The following FOXO1 variants were observed in gnomAD, a reference collection of about 807,000 sequenced individuals.
The protein encoded by FOXO1 is forkhead box O1, also known as forkhead box protein O1.
A neutral mutation model predicts 44.1 loss-of-function variants in FOXO1; 6 were observed. The observed-to-expected ratio is 0.14, with a 90% CI of 0.07 to 0.27. The LOEUF (loss-of-function observed/expected upper bound fraction) is 0.27, where lower values mean the gene tolerates loss of function less well. Among genes scored for constraint, FOXO1 ranks in the 10% least tolerant of loss-of-function variants. The pLI is 1.00. For missense variants in FOXO1, 737 were observed against 888.8 expected, an observed-to-expected ratio of 0.83 and a Z score of 2.17; for synonymous variants, 380 against 362.7, an observed-to-expected ratio of 1.05 and a Z score of -0.54.
intron 1 of FOXO1, among the ~76,000 whole-genome samples, chr13:40,578,002 A>T (rs752938613): frequency 2.0e-4 from 31 of 152,214 alleles, no homozygotes; most frequent in Non-Finnish European, 4.0e-4. Context: ...AGAAGAGCTG[A>T]TTAAGAACAT....
At chr13:40,584,109 G>T (rs1330466017) in intron 1 of FOXO1, among the ~76,000 whole-genome samples, 1 of 152,096 alleles carries the variant, frequency 6.6e-6, no homozygotes, top group Non-Finnish European at 1.5e-5. Context: ...GGTTGGTGGA[G>T]CAGTGAGAAC....
At chr13:40,636,957 G>C (rs1877177462) in intron 1 of FOXO1, among the ~76,000 whole-genome samples, 1 of 152,106 alleles carries the variant, frequency 6.6e-6, no homozygotes, top group African/African-American at 2.4e-5. Context: ...ACCTTACCAT[G>C]TATTATTAAT....
At chr13:40,583,909 T>C (rs1306285894) in intron 1 of FOXO1, among the ~76,000 whole-genome samples, 3 of 152,252 alleles carry the variant, frequency 2.0e-5, no homozygotes, top group Admixed American at 6.5e-5. Flanking sequence ...CTGGGCTTTA[T>C]ACATGCCTTC....
chr13:40,607,000 T>C (rs1876022773), intron 1 of FOXO1, among the ~76,000 whole-genome samples: 1 of 152,226 alleles, frequency 6.6e-6, no homozygotes, highest in Admixed American at 6.5e-5. Context: ...CTTCAGACTT[T>C]GTAGTTAGGC....
chr13:40,628,390 C>CACACACA (rs201043730), intron 1 of FOXO1, among the ~76,000 whole-genome samples: 5 of 150,860 alleles, frequency 3.3e-5, no homozygotes, highest in East Asian at 2.0e-4. Context: ...CACACACACA[C>CACACACA]CCCGTGAGGG....
intron 1 of FOXO1, among the ~76,000 whole-genome samples, chr13:40,623,508 A>G (rs533056719): frequency 6.6e-6 from 1 of 152,342 alleles, no homozygotes; most frequent in African/African-American, 2.4e-5. Flanking sequence ...TAAAATTGGA[A>G]GTTCAACAGT....
intron 1 of FOXO1, among the ~76,000 whole-genome samples, chr13:40,616,858 TGGAGAAA>T (rs1010004366): frequency 7.9e-5 from 12 of 152,156 alleles, no homozygotes; most frequent in African/African-American, 2.4e-4. Context: ...AAGGGACAGA[TGGAGAAA>T]GGAGCAAGGA....
chr13:40,631,941 C>T (rs1260466146), intron 1 of FOXO1, among the ~76,000 whole-genome samples: 1 of 152,038 alleles, frequency 6.6e-6, no homozygotes, highest in African/African-American at 2.4e-5. Flanking sequence ...TATTTTACCA[C>T]AAATTTTAAA....
intron 1 of FOXO1, among the ~76,000 whole-genome samples, chr13:40,606,991 T>C (rs925131304): frequency 6.6e-6 from 1 of 152,230 alleles, no homozygotes; most frequent in African/African-American, 2.4e-5. Context: ...TGCCTTTCCC[T>C]TCAGACTTTG....
chr13:40,582,696 C>T (rs1182290428), intron 1 of FOXO1, among the ~76,000 whole-genome samples: 1 of 152,166 alleles, frequency 6.6e-6, no homozygotes, highest in Admixed American at 6.5e-5. Flanking sequence ...CATGAGATTG[C>T]TGCAATTCAA....
chr13:40,573,036 C>T (rs1440582298), intron 1 of FOXO1, among the ~76,000 whole-genome samples: 1 of 152,196 alleles, frequency 6.6e-6, no homozygotes, highest in East Asian at 1.9e-4. Flanking sequence ...CCTCCTGGCC[C>T]TCCTCAATGT....
chr13:40,643,255 T>C lies in FOXO1; in HGVS notation c.630+22328A>G, dbSNP rs201879839. Among the ~76,000 whole-genome samples the C allele has an allele frequency of 7.9e-5, 12 of 151,686 alleles. No individual in the cohort carries two copies. In the East Asian group the frequency reaches 1.6e-3, roughly 20 times the overall value. On this transcript the variant is annotated intron_variant, in intron 1 of 2. Transcript: ENST00000379561. Reference sequence around the variant, plus strand: ...TACTCAGGACACTGAGGTGGGAGAATTGCTTGAACCCGGGAGGCAGATGAT... The same window carrying C: ...TACTCAGGACACTGAGGTGGGAGAACTGCTTGAACCCGGGAGGCAGATGAT...
chr13:40,626,889 G>A (rs1356096300), intron 1 of FOXO1, among the ~76,000 whole-genome samples: 1 of 152,202 alleles, frequency 6.6e-6, no homozygotes, highest in African/African-American at 2.4e-5. Flanking sequence ...CTGAATTTCA[G>A]TCTGGCCACT....
chr13:40,585,619 G>C (rs1252735139), intron 1 of FOXO1, among the ~76,000 whole-genome samples: 1 of 152,180 alleles, frequency 6.6e-6, no homozygotes, highest in Non-Finnish European at 1.5e-5. Context: ...CTGAAGACAT[G>C]AAAAGTGGAA....
At chr13:40,625,530 A>G (rs910441638) in intron 1 of FOXO1, among the ~76,000 whole-genome samples, 1 of 152,184 alleles carries the variant, frequency 6.6e-6, no homozygotes, top group African/African-American at 2.4e-5. Flanking sequence ...AAATTCTGCT[A>G]TAAAACAGAG....
rs1873953483 is a variant in FOXO1, at chr13:40,560,398, T to C, written c.1093A>G (p.Ile365Val). 1 of 1,614,212 alleles carries C rather than the reference T, an allele frequency of 6.2e-7. No individual in the cohort carries two copies. Among genetic ancestry groups the C allele is most frequent in the Non-Finnish European group, 8.5e-7 (1 of 1,180,046 alleles). Residue 365 changes from isoleucine (I) to valine (V), a missense_variant, in exon 2 of 3, where the codon ATA becomes GTA. Coordinates refer to ENST00000379561, the MANE Select transcript of FOXO1 (RefSeq NM_002015.4). The surrounding 1 kb of genome is among the most constrained non-coding windows in gnomAD (Gnocchi z 5.1). ...MASTLPSLSE[I>V]SNPENMENLL... Reference sequence around the variant, plus strand: ...TTTTCCATGTTTTCGGGATTGCTTATCTCAGACAGACTGGGTAAAGTAGAG... The same window carrying C: ...TTTTCCATGTTTTCGGGATTGCTTACCTCAGACAGACTGGGTAAAGTAGAG...
At chr13:40,610,968 C>A in intron 1 of FOXO1, 1 of 419,258 alleles carries the variant, frequency 2.4e-6, no homozygotes, top group Non-Finnish European at 4.8e-6. Flanking sequence ...CCTTAAAAAC[C>A]ACATGTATCT....
At chr13:40,589,845 T>A (rs1875302902) in intron 1 of FOXO1, among the ~76,000 whole-genome samples, 1 of 152,176 alleles carries the variant, frequency 6.6e-6, no homozygotes, top group Admixed American at 6.5e-5. Context: ...CAGGAAGAGC[T>A]GTCAGACTTC....
chr13:40,660,818 G>A (rs59041299), intron 1 of FOXO1, among the ~76,000 whole-genome samples: 100 of 152,210 alleles, frequency 6.6e-4, no homozygotes, highest in African/African-American at 2.3e-3. Flanking sequence ...GGCTCGTGCC[G>A]ATAATCCCAA....
Sources: allele counts gnomAD v4.1 joint callset (sites outside exome capture counted in the v4.1 genomes callset), GRCh38; gene constraint gnomAD v4.1.1; non-coding constraint Gnocchi (gnomAD v3.1); transcripts MANE v1.5; gene names NCBI Gene and HGNC (gene_info 2026-07-23, HGNC 2026-07-21).